The following CBLB variants were observed in gnomAD, a reference collection of about 807,000 sequenced individuals.
The protein encoded by CBLB is E3 ubiquitin-protein ligase CBL-B.
Under a neutral mutation model 104.9 loss-of-function variants are expected in CBLB, and 31 were observed. The ratio of observed to expected loss-of-function variants is 0.30; its 90% confidence interval spans 0.22 to 0.40. CBLB has a LOEUF of 0.40. Ranked by LOEUF, CBLB falls within the 10% of genes least tolerant of loss-of-function variation. CBLB has a pLI of 1.00. For missense variants in CBLB, 1,062 were observed against 1,214.6 expected (o/e 0.87, Z 1.87); for synonymous variants, 440 against 422.6 (o/e 1.04, Z -0.51).
At chr3:105,832,997 T>C (rs1168020622) in intron 3 of CBLB, among the ~76,000 whole-genome samples, 1 of 152,014 alleles carries the variant, frequency 6.6e-6, no homozygotes, top group Non-Finnish European at 1.5e-5. Context: ...TGTTAGGTAG[T>C]TGGAAAAAAA....
chr3:105,712,140 G>A (rs2071205713), intron 10 of CBLB, among the ~76,000 whole-genome samples: 1 of 152,116 alleles, frequency 6.6e-6, no homozygotes, highest in African/African-American at 2.4e-5. Flanking sequence ...AGAGGGACTT[G>A]ATCTCCTGGC....
chr3:105,730,095 G>A (rs2074145875), intron 9 of CBLB, among the ~76,000 whole-genome samples: 1 of 151,916 alleles, frequency 6.6e-6, no homozygotes, highest in Non-Finnish European at 1.5e-5. Context: ...ATTTTCTTTA[G>A]GGGGAGAGAA....
At chr3:105,851,581 A>C (rs1038166815) in intron 3 of CBLB, among the ~76,000 whole-genome samples, 5 of 152,196 alleles carry the variant, frequency 3.3e-5, no homozygotes, top group Non-Finnish European at 7.3e-5. Flanking sequence ...AACACACTAC[A>C]CCAATGCAAG....
At chr3:105,717,401 T>C (rs537999476) in intron 10 of CBLB, among the ~76,000 whole-genome samples, 1 of 152,312 alleles carries the variant, frequency 6.6e-6, no homozygotes, top group Admixed American at 6.5e-5. Flanking sequence ...TACTATGTCC[T>C]AGACCTGGGG....
At chr3:105,679,831 A>G (rs940564011) in intron 16 of CBLB, among the ~76,000 whole-genome samples, 5 of 152,100 alleles carry the variant, frequency 3.3e-5, no homozygotes, top group Non-Finnish European at 7.4e-5. Flanking sequence ...TTGGCACACT[A>G]ATTTCTTTAA....
chr3:105,731,973 CAG>C (rs1412225462), intron 9 of CBLB, among the ~76,000 whole-genome samples: 1 of 152,170 alleles, frequency 6.6e-6, no homozygotes, highest in African/African-American at 2.4e-5. Context: ...TGCATGGAGG[CAG>C]AGTGTTAGGA....
chr3:105,741,412 T>C (rs1372827174), intron 6 of CBLB, among the ~76,000 whole-genome samples: 4 of 152,052 alleles, frequency 2.6e-5, no homozygotes, highest in African/African-American at 7.2e-5. Context: ...TGTTTTGTTT[T>C]TGAGACAGAG....
intron 3 of CBLB, among the ~76,000 whole-genome samples, chr3:105,791,142 G>A (rs895086382): frequency 3.3e-5 from 5 of 152,254 alleles, no homozygotes; most frequent in South Asian, 4.1e-4. Flanking sequence ...AGCTAGGAGC[G>A]TTTCTTCCCT....
At chr3:105,724,745 T>C (rs2073365235) in intron 9 of CBLB, among the ~76,000 whole-genome samples, 1 of 152,174 alleles carries the variant, frequency 6.6e-6, no homozygotes. Flanking sequence ...ACTGGAAATA[T>C]GAGATATCTC....
At chr3:105,675,839 C>T (rs563763869) in intron 17 of CBLB, among the ~76,000 whole-genome samples, 6 of 144,076 alleles carry the variant, frequency 4.2e-5, no homozygotes, top group East Asian at 4.1e-4. Flanking sequence ...GAACTGAGAT[C>T]GCACCACTGT....
intron 12 of CBLB, among the ~76,000 whole-genome samples, chr3:105,694,063 T>C (rs1400256644): frequency 6.6e-6 from 1 of 152,022 alleles, no homozygotes; most frequent in East Asian, 1.9e-4. Context: ...AGTACATTAA[T>C]ATAATCAGAA....
chr3:105,861,507 A>G (rs2092083635), intron 2 of CBLB, among the ~76,000 whole-genome samples: 2 of 152,044 alleles, frequency 1.3e-5, no homozygotes, highest in Non-Finnish European at 1.5e-5. Flanking sequence ...TTATTCGCCA[A>G]GATTAACCCT....
chr3:105,737,355 G>C, intron 7 of CBLB, 97 bp from the exon 8 acceptor site: 2 of 567,072 alleles, frequency 3.5e-6, no homozygotes, highest in South Asian at 5.0e-5. Context: ...ACATACATTT[G>C]GATGTTTCCT....
chr3:105,670,479 C>T (rs2064954623), intron 17 of CBLB, 127 bp from the exon 18 acceptor site: 9 of 761,064 alleles, frequency 1.2e-5, no homozygotes, highest in African/African-American at 1.8e-5. Flanking sequence ...AAATTCATGA[C>T]TGATATTAAC....
At position 105,714,282 on chromosome 3, in the gene CBLB, C is replaced by T. The variant is rs190451026; in HGVS notation, c.1407+5765G>A. Among the ~76,000 whole-genome samples, 15 of 152,108 alleles carry T rather than the reference C, an allele frequency of 9.9e-5. No individual in the cohort carries two copies. The East Asian group carries it at 1.2e-3, about 12-fold the overall frequency. Reference sequence around the variant, plus strand: ...TCGTAGAAGACATTTTTTCCACGAACGGTGGCAGGGAGGGGAAGGGGATGG... The same window carrying T: ...TCGTAGAAGACATTTTTTCCACGAATGGTGGCAGGGAGGGGAAGGGGATGG... On this transcript the variant is annotated intron_variant, in intron 10 of 18. Coordinates refer to ENST00000394030, the MANE Select transcript of CBLB (RefSeq NM_170662.5).
In CBLB at chr3:105,834,400, T is replaced by C. The variant is rs1218254099; in HGVS notation, c.419+19014A>G. On this transcript the variant is annotated intron_variant, in intron 3 of 18. Coordinates refer to ENST00000394030, the MANE Select transcript of CBLB (RefSeq NM_170662.5). ...GGCTGGACACGGTAGCTCATGCCTG[T>C]AATCCCAGCACTTTGGGAGGCCGAG... is the stretch of plus-strand genomic sequence containing the variant. Among the ~76,000 whole-genome samples the C allele has an allele frequency of 2.0e-5, 3 of 152,194 alleles. No homozygotes were observed. The South Asian group carries it at 6.2e-4, about 32-fold the overall frequency.
intron 9 of CBLB, among the ~76,000 whole-genome samples, chr3:105,721,938 T>C (rs2072899058): frequency 1.3e-5 from 2 of 151,992 alleles, no homozygotes; most frequent in Non-Finnish European, 2.9e-5. Flanking sequence ...TGGAATACTT[T>C]TACAGATTTA....
intron 17 of CBLB, among the ~76,000 whole-genome samples, chr3:105,677,647 G>C (rs1002916841): frequency 1.3e-5 from 2 of 151,642 alleles, no homozygotes; most frequent in African/African-American, 4.8e-5. Context: ...CTGTTAATTA[G>C]TATCAGCAGA....
At chr3:105,818,717 A>G (rs2085406699) in intron 3 of CBLB, among the ~76,000 whole-genome samples, 1 of 152,180 alleles carries the variant, frequency 6.6e-6, no homozygotes, top group Admixed American at 6.5e-5. Flanking sequence ...TCTTTAAACA[A>G]TAAATTAAAT....
Sources: gnomAD v4.1 joint callset for allele counts (sites outside exome capture counted in the v4.1 genomes callset) on GRCh38, gnomAD v4.1.1 for gene constraint, MANE v1.5 for transcripts, NCBI Gene and HGNC (gene_info 2026-07-23, HGNC 2026-07-21) for gene names.